The following GRIN2B variants were observed in gnomAD, a reference collection of about 807,000 sequenced individuals.
GRIN2B encodes glutamate ionotropic receptor NMDA type subunit 2B, also known as glutamate receptor ionotropic, NMDA 2B.
A neutral mutation model predicts 114.5 loss-of-function variants in GRIN2B; 5 were observed. That is an observed-to-expected ratio of 0.04 (90% CI 0.02 to 0.09). The LOEUF is 0.09. GRIN2B is among the 10% of genes least tolerant of loss of function. The probability of loss-of-function intolerance (pLI) is 1.00; values close to 1 mark genes in which losing one functional copy is unlikely to be tolerated. For synonymous variants in GRIN2B, 787 were observed against 745.1 expected, an observed-to-expected ratio of 1.06 and a Z score of -0.92; for missense variants, 1,108 against 1,943.5, an observed-to-expected ratio of 0.57 and a Z score of 8.08.
intron 3 of GRIN2B, among the ~76,000 whole-genome samples, chr12:13,759,287 G>A (rs1266696838): frequency 6.6e-6 from 1 of 151,960 alleles, no homozygotes; most frequent in Non-Finnish European, 1.5e-5. Flanking sequence ...GCGATTACAG[G>A]CATGAGCCAC....
intron 3 of GRIN2B, among the ~76,000 whole-genome samples, chr12:13,757,941 C>G (rs1186100624): frequency 6.6e-6 from 1 of 152,156 alleles, no homozygotes; most frequent in East Asian, 1.9e-4. Context: ...CCTTATGGAT[C>G]CACTTCATAA....
chr12:13,845,272 T>C (rs1244560815), intron 3 of GRIN2B, among the ~76,000 whole-genome samples: 1 of 152,208 alleles, frequency 6.6e-6, no homozygotes, highest in Non-Finnish European at 1.5e-5. Context: ...ATAGGCTTTC[T>C]ACTATATACA....
At position 13,563,613 on chromosome 12, in the gene GRIN2B, G is replaced by T. The variant is rs1488088518; in HGVS notation, c.3625C>A (p.Arg1209=). Residue 1209 remains arginine (R), a synonymous_variant, in exon 14 of 14, where the codon CGG becomes AGG. Coordinates refer to ENST00000609686, the MANE Select transcript of GRIN2B (RefSeq NM_000834.5). The part of the protein sequence containing the change: ...KNLTNVEWED[R]SGGNFCRSCP... ...CTGCGGCAGAAGTTGCCCCCGGACC[G>T]GTCCTCCCACTCCACGTTGGTCAGG... 1 of 1,613,948 alleles carries T rather than the reference G, an allele frequency of 6.2e-7. No individual in the cohort carries two copies. Among genetic ancestry groups the T allele is most frequent in the African/African-American group, 1.3e-5 (1 of 75,032 alleles).
rs146049728 is a variant in GRIN2B, at chr12:13,677,968, A to G, written c.1011-2109T>C. On this transcript the variant is annotated intron_variant, in intron 4 of 13. Transcript: ENST00000609686. ...CACAAGGAGGTTAAATTATTTTCCA[A>G]TGTTATTGTATGGCAGATGCACCTG... 4.2e-3 allele frequency among the ~76,000 whole-genome samples: 643 copies of G among 152,284 alleles called. 2 individuals are homozygous for G. Among genetic ancestry groups the G allele is most frequent in the Non-Finnish European group, 5.3e-3 (361 of 68,028 alleles).
At chr12:13,927,693 C>G (rs1044079281) in intron 2 of GRIN2B, among the ~76,000 whole-genome samples, 2 of 151,908 alleles carry the variant, frequency 1.3e-5, no homozygotes, top group African/African-American at 4.8e-5. Flanking sequence ...GTGGCTCACA[C>G]CTGTAATCCC....
intron 2 of GRIN2B, among the ~76,000 whole-genome samples, chr12:13,960,527 G>A (rs1047669914): frequency 1.5e-4 from 23 of 152,214 alleles, no homozygotes; most frequent in Middle Eastern, 3.4e-3. Context: ...GGGGGACTGC[G>A]GAGAGGGTAC....
chr12:13,713,288 T>A (rs1425012319), intron 4 of GRIN2B, among the ~76,000 whole-genome samples: 1 of 151,870 alleles, frequency 6.6e-6, no homozygotes, highest in Non-Finnish European at 1.5e-5. Flanking sequence ...CAGACACTGA[T>A]GATGTCATTC....
At chr12:13,681,674 T>C (rs891726489) in intron 4 of GRIN2B, among the ~76,000 whole-genome samples, 1 of 152,192 alleles carries the variant, frequency 6.6e-6, no homozygotes, top group African/African-American at 2.4e-5. Context: ...TATCTCTACA[T>C]TTCTTTTCTT....
At chr12:13,762,409 A>T (rs1863695388) in intron 3 of GRIN2B, among the ~76,000 whole-genome samples, 1 of 152,246 alleles carries the variant, frequency 6.6e-6, no homozygotes, top group Admixed American at 6.5e-5. Flanking sequence ...AAGAACTGTG[A>T]TTATTACTAA....
chr12:13,596,402 C>G (rs1443730165), intron 10 of GRIN2B, among the ~76,000 whole-genome samples: 2 of 152,146 alleles, frequency 1.3e-5, no homozygotes, highest in Non-Finnish European at 2.9e-5. Context: ...TGGTTTATAG[C>G]CTTAAGCTAC....
At chr12:13,718,309 G>T (rs376814369) in intron 4 of GRIN2B, among the ~76,000 whole-genome samples, 145 of 152,176 alleles carry the variant, frequency 9.5e-4, no homozygotes, top group South Asian at 2.9e-3. Flanking sequence ...CCTTCAAGGT[G>T]AGGAGACAAA....
At chr12:13,656,886 C>T (rs942525428) in intron 5 of GRIN2B, among the ~76,000 whole-genome samples, 7 of 152,084 alleles carry the variant, frequency 4.6e-5, no homozygotes, top group Admixed American at 6.5e-5. Flanking sequence ...GGATGGAAAC[C>T]GAAGCCCAGG....
chr12:13,758,136 T>C (rs545421318), intron 3 of GRIN2B, among the ~76,000 whole-genome samples: 11 of 152,300 alleles, frequency 7.2e-5, no homozygotes, highest in African/African-American at 2.6e-4. Context: ...GCCCTAACTC[T>C]AGACAACTCC....
At chr12:13,879,960 C>G (rs1197449051) in intron 2 of GRIN2B, among the ~76,000 whole-genome samples, 3 of 152,256 alleles carry the variant, frequency 2.0e-5, no homozygotes, top group African/African-American at 4.8e-5. Context: ...CCTCTGTCCT[C>G]AAAAGTCCAA....
chr12:13,669,751 G>A (rs541572675), intron 5 of GRIN2B, among the ~76,000 whole-genome samples: 5 of 152,254 alleles, frequency 3.3e-5, no homozygotes, highest in East Asian at 3.9e-4. Flanking sequence ...ATGTATGAGC[G>A]GGGATGGAGG....
intron 3 of GRIN2B, among the ~76,000 whole-genome samples, chr12:13,762,890 GGTTTTTT>G (rs1025393965): frequency 5.9e-5 from 9 of 151,450 alleles, no homozygotes; most frequent in South Asian, 2.1e-4. Flanking sequence ...TTTTTTGTTT[GGTTTTTT>G]GTTTTTTGTT....
chr12:13,545,264 C>T lies in GRIN2B; in HGVS notation c.*17519G>A, dbSNP rs1424592815. 1 of 152,202 alleles carries T rather than the reference C, an allele frequency of 6.6e-6. No homozygotes were observed. Among genetic ancestry groups the T allele is most frequent in the African/African-American group, 2.4e-5 (1 of 41,422 alleles). 9.4% of individuals were successfully genotyped at this position (152,202 alleles called of 1,614,324 possible). On this transcript the variant is annotated 3_prime_UTR_variant, in exon 14 of 14. Coordinates refer to ENST00000609686, the MANE Select transcript of GRIN2B (RefSeq NM_000834.5). Reference sequence around the variant, plus strand: ...AATAGCAACCCCACACCCATCCTATCATCTATCCCCCTTAATCTGCCTCAT... The same window carrying T: ...AATAGCAACCCCACACCCATCCTATTATCTATCCCCCTTAATCTGCCTCAT...
intron 4 of GRIN2B, among the ~76,000 whole-genome samples, chr12:13,716,862 C>T (rs930161265): frequency 2.6e-5 from 4 of 151,838 alleles, no homozygotes. Flanking sequence ...CTCATTCACA[C>T]CTCTGCCTAA....
intron 3 of GRIN2B, among the ~76,000 whole-genome samples, chr12:13,776,101 A>G (rs1457846521): frequency 6.6e-6 from 1 of 152,228 alleles, no homozygotes; most frequent in African/African-American, 2.4e-5. Context: ...CAGCCATGAA[A>G]AGGAATGAGA....
Sources: gnomAD v4.1 joint callset for allele counts (sites outside exome capture counted in the v4.1 genomes callset) on GRCh38, gnomAD v4.1.1 for gene constraint, MANE v1.5 for transcripts, NCBI Gene and HGNC (gene_info 2026-07-23, HGNC 2026-07-21) for gene names.